Variants in TCF4 observed in about 807,000 individuals in gnomAD.
The protein encoded by TCF4 is SL3-3 enhancer factor 2.
In TCF4, 3 loss-of-function variants were observed where a neutral mutation model predicts 82.1. The observed-to-expected ratio is 0.04, with a 90% CI of 0.02 to 0.09. The LOEUF (loss-of-function observed/expected upper bound fraction) is 0.09. Ranked by LOEUF, TCF4 falls within the 10% of genes least tolerant of loss-of-function variation. The probability of loss-of-function intolerance (pLI) is 1.00; values close to 1 mark genes in which losing one functional copy is unlikely to be tolerated. For synonymous variants in TCF4, 276 were observed against 309.6 expected, an observed-to-expected ratio of 0.89 and a Z score of 1.14; for missense variants, 518 against 852.7, an observed-to-expected ratio of 0.61 and a Z score of 4.89.
chr18:55,610,635 A>G (rs2097706168), intron 2 of TCF4, among the ~76,000 whole-genome samples: 1 of 152,182 alleles, frequency 6.6e-6, no homozygotes, highest in Non-Finnish European at 1.5e-5. Flanking sequence ...AAGGGATGTT[A>G]TATATTAACT....
Position 55,222,259 on chromosome 18 carries a change from G to A in TCF4, c.*5776C>T, listed in dbSNP as rs2045972198. ...ATAGACACTACACAAGATACTGTAG[G>A]GGTGCACAGGCACATTCCCCCCCAC... On this transcript the variant is annotated 3_prime_UTR_variant, in exon 20 of 20. Coordinates refer to ENST00000354452, the MANE Select transcript of TCF4 (RefSeq NM_001083962.2). 1 of 152,056 alleles carries A rather than the reference G, an allele frequency of 6.6e-6. No homozygotes were observed. The highest frequency in any genetic ancestry group is 1.5e-5 in the Non-Finnish European group (1 of 68,012). The allele number at this position is 152,056 out of a possible 1,614,324, so 9.4% of individuals were successfully genotyped here.
At position 55,398,417 on chromosome 18, in the gene TCF4, C is replaced by A. The variant is rs902582210; in HGVS notation, c.369+5037G>T. The stretch of plus-strand genomic sequence containing the variant: ...ATGCTGACCTTTGGTTCCAACAACA[C>A]CTCTGCCAGAACCACAGATCATCTA... On this transcript the variant is annotated intron_variant, in intron 6 of 19. Coordinates refer to ENST00000354452, the MANE Select transcript of TCF4 (RefSeq NM_001083962.2). Among the ~76,000 whole-genome samples the A allele has an allele frequency of 2.6e-5, 4 of 152,188 alleles. 1 individual carries two copies. The highest frequency in any genetic ancestry group is 2.4e-5 in the African/African-American group (1 of 41,438).
chr18:55,403,338 T>A, intron 6 of TCF4, 116 bp downstream of exon 6: 4 of 1,160,692 alleles, frequency 3.4e-6, no homozygotes, highest in Non-Finnish European at 5.2e-6. Flanking sequence ...AGCCATCATC[T>A]GACTTGCCGG....
chr18:55,574,384 G>C (rs2097507142), intron 3 of TCF4, among the ~76,000 whole-genome samples: 1 of 152,072 alleles, frequency 6.6e-6, no homozygotes. Context: ...GAGGGCAGTG[G>C]CGCAATTTCA....
chr18:55,275,615 T>C lies in TCF4; in HGVS notation c.789+4A>G. The C allele has an allele frequency of 6.2e-7, 1 of 1,613,714 alleles. No homozygotes were observed. On this transcript the variant is annotated splice_donor_region_variant and intron_variant, in intron 10 of 19. Coordinates refer to ENST00000354452, the MANE Select transcript of TCF4 (RefSeq NM_001083962.2). ...ATTCCCGTTACCGTGTATGTCTGCC[T>C]TACCAAACGTTCATGTGGATGCAGG... is the stretch of plus-strand genomic sequence containing the variant.
chr18:55,356,629 T>C (rs978241662), intron 6 of TCF4, among the ~76,000 whole-genome samples: 2 of 152,198 alleles, frequency 1.3e-5, no homozygotes, highest in Admixed American at 1.3e-4. Flanking sequence ...TGATGTTACA[T>C]TCGAACTCTT....
chr18:55,330,384 T>C (rs1402314871), intron 8 of TCF4, among the ~76,000 whole-genome samples: 1 of 152,028 alleles, frequency 6.6e-6, no homozygotes, highest in African/African-American at 2.4e-5. Context: ...TTCGCTACGT[T>C]GGCCAGGATG....
intron 5 of TCF4, among the ~76,000 whole-genome samples, chr18:55,409,168 T>C (rs1428979477): frequency 1.3e-5 from 2 of 152,146 alleles, no homozygotes; most frequent in African/African-American, 4.8e-5. Flanking sequence ...AGTAAAAATA[T>C]AATTATAATA....
chr18:55,240,252 G>T (rs2050793321), intron 15 of TCF4, among the ~76,000 whole-genome samples: 1 of 152,198 alleles, frequency 6.6e-6, no homozygotes, highest in Non-Finnish European at 1.5e-5. Context: ...GACAAAGACA[G>T]AAGTCCTGGT....
At chr18:55,516,754 C>T (rs572653788) in intron 3 of TCF4, among the ~76,000 whole-genome samples, 1 of 152,236 alleles carries the variant, frequency 6.6e-6, no homozygotes, top group South Asian at 2.1e-4. Flanking sequence ...TGGGAGCTTG[C>T]ATGGTGCATT....
intron 11 of TCF4, among the ~76,000 whole-genome samples, chr18:55,262,485 C>A (rs1050216019): frequency 6.0e-4 from 91 of 152,108 alleles, no homozygotes; most frequent in African/African-American, 2.0e-3. Context: ...TATTAAAGTT[C>A]TGAGGGAAGA....
intron 15 of TCF4, among the ~76,000 whole-genome samples, chr18:55,235,433 T>C (rs970907863): frequency 6.6e-6 from 1 of 152,152 alleles, no homozygotes; most frequent in African/African-American, 2.4e-5. Flanking sequence ...TTTTTCCATT[T>C]TTTTCCTCAC....
At chr18:55,500,035 T>C (rs1268552500) in intron 3 of TCF4, among the ~76,000 whole-genome samples, 1 of 151,812 alleles carries the variant, frequency 6.6e-6, no homozygotes, top group African/African-American at 2.4e-5. Context: ...ATACAAAAAT[T>C]AGCCAGGCAT....
At chr18:55,622,879 C>CTGTGTGTGTG (rs2097722848) in intron 2 of TCF4, among the ~76,000 whole-genome samples, 2 of 16,952 alleles carry the variant, frequency 1.2e-4, no homozygotes, top group Admixed American at 8.6e-4. Context: ...TCTTTCTCCA[C>CTGTGTGTGTG]TCTGTGTGTG....
chr18:55,268,655 A>G (rs957424258), intron 11 of TCF4: 2 of 152,160 alleles, frequency 1.3e-5, no homozygotes, highest in African/African-American at 4.8e-5. Flanking sequence ...GGCAGAAATT[A>G]TATTTCCAAC....
At chr18:55,282,351 C>T (rs548119000) in intron 8 of TCF4, among the ~76,000 whole-genome samples, 5 of 151,946 alleles carry the variant, frequency 3.3e-5, no homozygotes, top group Middle Eastern at 3.4e-3. Flanking sequence ...AGAATGGTGG[C>T]GGAGACATAG....
chr18:55,309,544 A>C (rs967041551), intron 8 of TCF4, among the ~76,000 whole-genome samples: 1 of 152,240 alleles, frequency 6.6e-6, no homozygotes, highest in Non-Finnish European at 1.5e-5. Flanking sequence ...AGTAACGATC[A>C]AATTAGAACT....
chr18:55,621,775 A>C (rs1245334343), intron 2 of TCF4, among the ~76,000 whole-genome samples: 1 of 91,674 alleles, frequency 1.1e-5, no homozygotes, highest in African/African-American at 4.4e-5. Context: ...TATAATATAT[A>C]ATATAATATA....
intron 6 of TCF4, among the ~76,000 whole-genome samples, chr18:55,359,380 T>C (rs1279319816): frequency 6.6e-6 from 1 of 152,218 alleles, no homozygotes; most frequent in Admixed American, 6.5e-5. Flanking sequence ...AAAATTCAAC[T>C]GTTGTAACAT....
Sources: allele counts gnomAD v4.1 joint callset (sites outside exome capture counted in the v4.1 genomes callset), GRCh38; gene constraint gnomAD v4.1.1; transcripts MANE v1.5; gene names NCBI Gene and HGNC (gene_info 2026-07-23, HGNC 2026-07-21).